GPC6: variants seen among roughly 807,000 people sequenced by gnomAD.
GPC6 encodes the protein glypican-6.
GPC6 carries 14 observed loss-of-function variants against 55.2 expected under a neutral mutation model. That is an observed-to-expected ratio of 0.25 (90% confidence interval 0.17 to 0.40). The LOEUF is 0.40. Ranked by LOEUF, GPC6 falls within the 10% of genes least tolerant of loss-of-function variation. The pLI, the probability that GPC6 is intolerant of heterozygous loss-of-function variation, is 1.00. For synonymous variants in GPC6, 278 were observed against 259.6 expected (o/e 1.07, Z -0.68); for missense variants, 641 against 708.5 (o/e 0.90, Z 1.08).
In GPC6 at chr13:94,301,899, T is replaced by C. The variant is rs183011959; in HGVS notation, c.1009-4081T>C. On this transcript the variant is annotated intron_variant, in intron 5 of 8. Coordinates refer to ENST00000377047, the MANE Select transcript of GPC6 (RefSeq NM_005708.5). Reference sequence around the variant, plus strand: ...CATTATTATTTCTCAATTGTTTTTTTCCCTTATTCAAAATGTAAAATGTTG... The same window carrying C: ...CATTATTATTTCTCAATTGTTTTTTCCCCTTATTCAAAATGTAAAATGTTG... Among the ~76,000 whole-genome samples the C allele has an allele frequency of 1.5e-3, 226 of 152,306 alleles. 2 individuals are homozygous for C. Among genetic ancestry groups the C allele is most frequent in the Admixed American group, 0.015 (224 of 15,302 alleles).
At chr13:93,400,338 C>CAAA (rs11345982) in intron 1 of GPC6, among the ~76,000 whole-genome samples, 2 of 141,994 alleles carry the variant, frequency 1.4e-5, no homozygotes, top group Non-Finnish European at 3.0e-5. Flanking sequence ...AGGCACTGGT[C>CAAA]AAAAAAAAAA....
At chr13:93,467,335 G>A (rs1878942606) in intron 1 of GPC6, among the ~76,000 whole-genome samples, 1 of 152,140 alleles carries the variant, frequency 6.6e-6, no homozygotes, top group Non-Finnish European at 1.5e-5. Context: ...CCGTAATGTT[G>A]TGATTCCTGA....
At chr13:94,290,446 A>AG (rs1566640037) in intron 5 of GPC6, among the ~76,000 whole-genome samples, 1 of 150,114 alleles carries the variant, frequency 6.7e-6, no homozygotes, top group African/African-American at 2.5e-5. Flanking sequence ...AAAAAAAAAA[A>AG]AAAGAAAAAG....
chr13:93,797,587 G>T (rs58232472), intron 2 of GPC6, among the ~76,000 whole-genome samples: 1 of 152,132 alleles, frequency 6.6e-6, no homozygotes, highest in Non-Finnish European at 1.5e-5. Context: ...TAACTATAAG[G>T]AAGTGGCTCT....
intron 2 of GPC6, among the ~76,000 whole-genome samples, chr13:93,657,505 A>T (rs1285179275): frequency 6.6e-6 from 1 of 152,168 alleles, no homozygotes; most frequent in African/African-American, 2.4e-5. Context: ...ACCCTAGAAG[A>T]AAACCTAGAA....
chr13:93,929,750 A>C (rs981939362), intron 3 of GPC6, among the ~76,000 whole-genome samples: 11 of 152,072 alleles, frequency 7.2e-5, no homozygotes, highest in South Asian at 2.1e-4. Context: ...GTAAAAAAAA[A>C]CAGATTAAAT....
intron 3 of GPC6, among the ~76,000 whole-genome samples, chr13:94,000,532 A>T (rs1881750713): frequency 2.0e-5 from 3 of 152,284 alleles, no homozygotes; most frequent in Non-Finnish European, 4.4e-5. Context: ...TCTATATAGC[A>T]ATGAAGTGTC....
chr13:94,016,897 C>T (rs954427054), intron 3 of GPC6, among the ~76,000 whole-genome samples: 7 of 150,892 alleles, frequency 4.6e-5, no homozygotes, highest in African/African-American at 9.8e-5. Context: ...TGCAATGGTG[C>T]GATCTCAGCT....
intron 4 of GPC6, among the ~76,000 whole-genome samples, chr13:94,155,062 C>A (rs184410752): frequency 1.4e-4 from 21 of 152,220 alleles, no homozygotes; most frequent in Non-Finnish European, 2.5e-4. Flanking sequence ...TGGGGGTACA[C>A]CTCTAAATTA....
At chr13:93,514,443 G>A (rs932467656) in intron 1 of GPC6, among the ~76,000 whole-genome samples, 1 of 152,124 alleles carries the variant, frequency 6.6e-6, no homozygotes, top group African/African-American at 2.4e-5. Flanking sequence ...CTCCAAAAAT[G>A]TTAGGGCAAA....
intron 2 of GPC6, among the ~76,000 whole-genome samples, chr13:93,743,135 G>A (rs1884266761): frequency 6.6e-6 from 1 of 152,176 alleles, no homozygotes; most frequent in Non-Finnish European, 1.5e-5. Context: ...ATGAGCAACA[G>A]GGCCCAGAGA....
At chr13:94,092,717 C>A (rs563207854) in intron 4 of GPC6, among the ~76,000 whole-genome samples, 1 of 152,164 alleles carries the variant, frequency 6.6e-6, no homozygotes, top group Non-Finnish European at 1.5e-5. Flanking sequence ...CTGTTTTCTA[C>A]AGTGGCTATA....
intron 4 of GPC6, among the ~76,000 whole-genome samples, chr13:94,111,328 G>A (rs529381639): frequency 4.9e-4 from 74 of 151,836 alleles, no homozygotes; most frequent in African/African-American, 1.6e-3. Context: ...GGTAAGGGAG[G>A]GAGAGCATTA....
intron 7 of GPC6, among the ~76,000 whole-genome samples, chr13:94,388,746 GAC>G (rs1880521664): frequency 6.6e-6 from 1 of 152,172 alleles, no homozygotes; most frequent in South Asian, 2.1e-4. Context: ...GCCTTAGAGA[GAC>G]AGAGAGTCCT....
intron 2 of GPC6, among the ~76,000 whole-genome samples, chr13:93,703,976 A>T (rs1372113851): frequency 6.6e-6 from 1 of 151,972 alleles, no homozygotes; most frequent in Non-Finnish European, 1.5e-5. Context: ...ATTACAATTA[A>T]ACTATCCATG....
chr13:93,791,819 G>A (rs1886044183), intron 2 of GPC6, among the ~76,000 whole-genome samples: 1 of 152,152 alleles, frequency 6.6e-6, no homozygotes, highest in Non-Finnish European at 1.5e-5. Context: ...TGTTTAGATT[G>A]TGATATTGAA....
Position 93,830,115 on chromosome 13 carries a change from A to T in GPC6, c.320-39A>T, listed in dbSNP as rs1259794204. ...TAAGTGGGTGCCTTGGGCTTTCTAG[A>T]TTTCATTAATTTATGACTTCTTTCT... is the stretch of plus-strand genomic sequence containing the variant. On this transcript the variant is annotated intron_variant, in intron 2 of 8. Transcript: ENST00000377047. The T allele has an allele frequency of 4.5e-6, 7 of 1,561,526 alleles. No homozygotes were observed. The African/African-American group carries it at 9.6e-5, about 21-fold the overall frequency.
chr13:93,284,434 G>C (rs1336553826), intron 1 of GPC6, among the ~76,000 whole-genome samples: 1 of 152,174 alleles, frequency 6.6e-6, no homozygotes, highest in Admixed American at 6.5e-5. Flanking sequence ...CAGGATTAAT[G>C]AACAGAAATG....
chr13:93,557,733 C>T (rs149975876), intron 2 of GPC6, among the ~76,000 whole-genome samples: 74 of 152,244 alleles, frequency 4.9e-4, no homozygotes, highest in African/African-American at 1.5e-3. Flanking sequence ...TTCTGTCTGG[C>T]GCATAGAACT....
Sources: gnomAD v4.1 joint callset for allele counts (sites outside exome capture counted in the v4.1 genomes callset) on GRCh38, gnomAD v4.1.1 for gene constraint, MANE v1.5 for transcripts, NCBI Gene and HGNC (gene_info 2026-07-23, HGNC 2026-07-21) for gene names.